UNC13B: variants seen among roughly 807,000 people sequenced by gnomAD.
The protein encoded by UNC13B is unc-13 homolog B, also known as protein unc-13 homolog B.
UNC13B carries 144 observed loss-of-function variants against 211.0 expected under a neutral mutation model. That is an observed-to-expected ratio of 0.68 (90% confidence interval 0.60 to 0.78). UNC13B has a LOEUF of 0.78. Ranked by LOEUF, UNC13B falls within the 30% of genes least tolerant of loss-of-function variation. UNC13B has a pLI of 0.00. For synonymous variants in UNC13B, 709 were observed against 725.8 expected (o/e 0.98, Z 0.37); for missense variants, 1,777 against 2,002.0 (o/e 0.89, Z 2.14).
chr9:35,327,010 C>T (rs1003810795), intron 11 of UNC13B, among the ~76,000 whole-genome samples: 2 of 152,162 alleles, frequency 1.3e-5, no homozygotes, highest in African/African-American at 4.8e-5. Flanking sequence ...TACTCCTGTT[C>T]CTTTTTAATT....
intron 1 of UNC13B, among the ~76,000 whole-genome samples, chr9:35,163,713 C>T (rs77966316): frequency 0.058 from 8,793 of 152,244 alleles, 828 homozygotes; most frequent in African/African-American, 0.2. Context: ...TCAGAAATTC[C>T]TATTTAACTG....
chr9:35,326,776 T>C (rs1416131413), intron 11 of UNC13B, among the ~76,000 whole-genome samples: 1 of 152,208 alleles, frequency 6.6e-6, no homozygotes, highest in South Asian at 2.1e-4. Flanking sequence ...ATTAAAGATA[T>C]GTAAATATGA....
Position 35,348,083 on chromosome 9 carries a change from A to G in UNC13B, c.9415-18864A>G, listed in dbSNP as rs556791479. ...GAAACCCCATCTCTACTAAAACAAA[A>G]ACAAAAACAAAACAAAACAAAACAA... On this transcript the variant is annotated intron_variant, in intron 11 of 39. Coordinates refer to ENST00000635942, the MANE Select transcript of UNC13B (RefSeq NM_001371189.2). Among the ~76,000 whole-genome samples, 7 of 152,288 alleles carry G rather than the reference A, an allele frequency of 4.6e-5. No homozygotes were observed. The East Asian group carries it at 1.4e-3, about 29-fold the overall frequency.
Position 35,303,432 on chromosome 9 carries a change from A to G in UNC13B, c.4028A>G (p.Asn1343Ser), listed in dbSNP as rs1175714109. ...LNTNILNKSN[N>S]YQAFEEMNSP... ...ACCAACATTCTCAATAAATCAAACA[A>G]CTATCAGGCTTTTGAAGAGATGAAC... The change falls in exon 9 of 40, where the codon AAC becomes AGC. Residue 1343 changes from asparagine to serine, a missense_variant. By Grantham distance (46) the Asn-to-Ser change is conservative (BLOSUM62 1). Transcript: ENST00000635942. The G allele has an allele frequency of 5.0e-6, 2 of 398,670 alleles. No individual in the cohort carries two copies. The highest frequency in any genetic ancestry group is 2.1e-5 in the African/African-American group (1 of 48,630). 24.7% of individuals were successfully genotyped at this position (398,670 alleles called of 1,614,324 possible).
intron 8 of UNC13B, among the ~76,000 whole-genome samples, chr9:35,297,697 C>G (rs1316862359): frequency 6.6e-6 from 1 of 151,060 alleles, no homozygotes; most frequent in Non-Finnish European, 1.5e-5. Flanking sequence ...TTACAGGCAC[C>G]CGCCACCGTG....
At chr9:35,332,702 C>A (rs927953399) in intron 11 of UNC13B, among the ~76,000 whole-genome samples, 2 of 152,182 alleles carry the variant, frequency 1.3e-5, no homozygotes, top group Non-Finnish European at 1.5e-5. Context: ...GAGCTCGAGT[C>A]ATGGCTACCA....
At position 35,303,006 on chromosome 9, in the gene UNC13B, A is replaced by T; in HGVS notation, c.3602A>T (p.Glu1201Val). The part of the protein sequence containing the change: ...SNSGMIDHKP[E>V]EAKFMSLGNM... ...AGCGGTATGATTGATCATAAACCAG[A>T]GGAAGCAAAGTTCATGTCTTTAGGC... is the stretch of plus-strand genomic sequence containing the variant. Residue 1201 changes from glutamate (E) to valine (V), a missense_variant, in exon 9 of 40, where the codon GAG becomes GTG. Transcript: ENST00000635942. 2.5e-6 allele frequency: 1 copy of T among 398,742 alleles called. No homozygotes were observed. Among genetic ancestry groups the T allele is most frequent in the Non-Finnish European group, 4.4e-6 (1 of 225,780 alleles). The allele number at this position is 398,742 out of a possible 1,614,324, so 24.7% of individuals were successfully genotyped here.
intron 10 of UNC13B, among the ~76,000 whole-genome samples, chr9:35,313,644 A>ATAAATAAG (rs1830299727): frequency 6.7e-6 from 1 of 150,046 alleles, no homozygotes; most frequent in Non-Finnish European, 1.5e-5. Flanking sequence ...AAATAAATAA[A>ATAAATAAG]TAAATAAATA....
rs1478446946 is a variant in UNC13B, at chr9:35,358,951, T to C, written c.9415-7996T>C. Among the ~76,000 whole-genome samples the C allele has an allele frequency of 3.3e-5, 5 of 151,964 alleles. No homozygotes were observed. The East Asian group carries it at 9.7e-4, about 29-fold the overall frequency. On this transcript the variant is annotated intron_variant, in intron 11 of 39. Coordinates refer to ENST00000635942, the MANE Select transcript of UNC13B (RefSeq NM_001371189.2). Reference sequence around the variant, plus strand: ...CTGACCTGAAGTGATCTTCCCACCTTGGCTTCCCAAAGTGCTGGGATTAGA... The same window carrying C: ...CTGACCTGAAGTGATCTTCCCACCTCGGCTTCCCAAAGTGCTGGGATTAGA...
At chr9:35,199,253 T>G (rs933895543) in intron 1 of UNC13B, among the ~76,000 whole-genome samples, 2 of 152,204 alleles carry the variant, frequency 1.3e-5, no homozygotes, top group African/African-American at 4.8e-5. Flanking sequence ...TGATGGACAT[T>G]TAGGTTGGTT....
At chr9:35,244,493 T>C (rs940875556) in intron 6 of UNC13B, among the ~76,000 whole-genome samples, 2 of 152,166 alleles carry the variant, frequency 1.3e-5, no homozygotes, top group African/African-American at 2.4e-5. Context: ...GAAATTAGGC[T>C]GTCAGCAGGA....
chr9:35,317,008 T>C (rs2131890107), intron 11 of UNC13B, among the ~76,000 whole-genome samples: 1 of 152,268 alleles, frequency 6.6e-6, no homozygotes, highest in South Asian at 2.1e-4. Context: ...TAAAAAACTT[T>C]TAAATTTGTT....
Position 35,307,205 on chromosome 9 carries a change from C to G in UNC13B, c.7801C>G (p.Leu2601Val), listed in dbSNP as rs1276924007. Residue 2601 changes from leucine to valine, a missense_variant, in exon 9 of 40, where the codon CTG becomes GTG. Physicochemically the swap from Leu to Val is conservative, Grantham distance 32. Coordinates refer to ENST00000635942, the MANE Select transcript of UNC13B (RefSeq NM_001371189.2). ...AGACAATAATACTCCTGAAAATATT[C>G]TGGAACCTCAACGTTCTGAAACAAT... The part of the protein sequence containing the change: ...MEDNNTPENI[L>V]EPQRSETINT... 1 of 398,792 alleles carries G rather than the reference C, an allele frequency of 2.5e-6. No homozygotes were observed. Among genetic ancestry groups the G allele is most frequent in the Non-Finnish European group, 4.4e-6 (1 of 226,078 alleles). The allele number at this position is 398,792 out of a possible 1,614,324, so 24.7% of individuals were successfully genotyped here. A position where few individuals can be genotyped will look rare whatever the true frequency, so the allele number is the denominator to read the frequency against.
At position 35,362,255 on chromosome 9, in the gene UNC13B, G is replaced by GC. The variant is rs545021035; in HGVS notation, c.9415-4691dup. On this transcript the variant is annotated intron_variant, in intron 11 of 39. Coordinates refer to ENST00000635942, the MANE Select transcript of UNC13B (RefSeq NM_001371189.2). ...CTGAGTGATTGGATAGGGACAGAGT[G>GC]CAGAGAGGGAGAGATCCATTGTCTG... Among the ~76,000 whole-genome samples, 1,195 of 152,300 alleles carry GC rather than the reference G, an allele frequency of 7.8e-3. 16 individuals are homozygous for GC. The highest frequency in any genetic ancestry group is 0.026 in the African/African-American group (1,083 of 41,554).
intron 26 of UNC13B, among the ~76,000 whole-genome samples, chr9:35,391,614 G>A (rs1835540358): frequency 6.6e-6 from 1 of 152,214 alleles, no homozygotes; most frequent in Non-Finnish European, 1.5e-5. Context: ...CCCAGAGCAG[G>A]GCTGCCTGCT....
chr9:35,168,243 T>C (rs1461663683), intron 1 of UNC13B, among the ~76,000 whole-genome samples: 1 of 152,202 alleles, frequency 6.6e-6, no homozygotes. Flanking sequence ...AATTTTTTTC[T>C]TTCCAACTTT....
At chr9:35,381,964 G>C (rs1026249211) in intron 20 of UNC13B, among the ~76,000 whole-genome samples, 2 of 152,228 alleles carry the variant, frequency 1.3e-5, no homozygotes, top group East Asian at 1.9e-4. Flanking sequence ...TGCAGGGAAA[G>C]AGGCATGTGA....
intron 36 of UNC13B, among the ~76,000 whole-genome samples, chr9:35,400,088 C>T (rs1836190595): frequency 6.6e-6 from 1 of 152,192 alleles, no homozygotes; most frequent in Non-Finnish European, 1.5e-5. Flanking sequence ...ATCCTTCAAA[C>T]ACTGCCGTAC....
At chr9:35,349,010 T>A (rs1265004683) in intron 11 of UNC13B, among the ~76,000 whole-genome samples, 1 of 152,062 alleles carries the variant, frequency 6.6e-6, no homozygotes, top group African/African-American at 2.4e-5. Context: ...CTCTGCCTCC[T>A]GGGTTCAAGT....
Sources: gnomAD v4.1 joint callset for allele counts (sites outside exome capture counted in the v4.1 genomes callset) on GRCh38, gnomAD v4.1.1 for gene constraint, MANE v1.5 for transcripts, NCBI Gene and HGNC (gene_info 2026-07-23, HGNC 2026-07-21) for gene names.